Variants in ARHGAP42 observed in about 807,000 individuals in gnomAD.
ARHGAP42 encodes the protein Rho GTPase activating protein 42, also known as rho GTPase-activating protein 42.
A neutral mutation model predicts 125.0 loss-of-function variants in ARHGAP42; 63 were observed. The ratio of observed to expected loss-of-function variants is 0.50; its 90% confidence interval spans 0.41 to 0.62. ARHGAP42 has a LOEUF of 0.62. ARHGAP42 is among the 20% of genes least tolerant of loss of function. The pLI is 0.00. For synonymous variants in ARHGAP42, 339 were observed against 351.0 expected (o/e 0.97, Z 0.38); for missense variants, 766 against 1,024.2 (o/e 0.75, Z 3.44).
Position 100,745,432 on chromosome 11 carries a change from A to G in ARHGAP42, c.155-24911A>G, listed in dbSNP as rs1862279086. ...TTTTTATGAGCCTCTGCAGCAACCC[A>G]CACGTGCATGGTGTGGCACAGCACC... On this transcript the variant is annotated intron_variant, in intron 1 of 23. Transcript: ENST00000298815. Among the ~76,000 whole-genome samples the G allele has an allele frequency of 2.0e-5, 3 of 152,164 alleles. 1 individual carries two copies. Among genetic ancestry groups the G allele is most frequent in the Admixed American group, 2.0e-4 (3 of 15,286 alleles).
chr11:100,976,906 G>A lies in ARHGAP42; in HGVS notation c.2328G>A (p.Pro776=), dbSNP rs760363632. ...CTTCACCAAACCCAGACCTGCCTCC[G>A]AAAATGTGCAGGAGATTAAGACTAG... is the stretch of plus-strand genomic sequence containing the variant. The part of the protein sequence containing the change: ...PKASPNPDLP[P]KMCRRLRLDT... The change falls in exon 21 of 24, where the codon CCG becomes CCA. Residue 776 remains proline (P), a synonymous_variant. Coordinates refer to ENST00000298815, the MANE Select transcript of ARHGAP42 (RefSeq NM_152432.4). 33 of 1,551,472 alleles carry A rather than the reference G, an allele frequency of 2.1e-5. No individual in the cohort carries two copies. Among genetic ancestry groups the A allele is most frequent in the African/African-American group, 1.1e-4 (8 of 73,138 alleles).
intron 17 of ARHGAP42, among the ~76,000 whole-genome samples, chr11:100,969,673 A>G (rs999746578): frequency 6.6e-6 from 1 of 151,884 alleles, no homozygotes; most frequent in African/African-American, 2.4e-5. Flanking sequence ...CATTATTCAC[A>G]TTCTCTATTT....
intron 1 of ARHGAP42, among the ~76,000 whole-genome samples, chr11:100,730,849 A>G (rs902853768): frequency 6.6e-6 from 1 of 152,252 alleles, no homozygotes; most frequent in Non-Finnish European, 1.5e-5. Context: ...CCTGTACAGC[A>G]TATGATTGTA....
chr11:100,779,926 T>G (rs546379250), intron 2 of ARHGAP42, among the ~76,000 whole-genome samples: 1 of 151,772 alleles, frequency 6.6e-6, no homozygotes, highest in South Asian at 2.1e-4. Flanking sequence ...CTCGGGAGGC[T>G]GAGGCGGGAG....
chr11:100,730,682 T>C (rs951379954), intron 1 of ARHGAP42, among the ~76,000 whole-genome samples: 1 of 152,252 alleles, frequency 6.6e-6, no homozygotes, highest in African/African-American at 2.4e-5. Flanking sequence ...TAGTAAGTCA[T>C]ATATTGCTTA....
At chr11:100,779,372 G>A (rs1292212648) in intron 2 of ARHGAP42, among the ~76,000 whole-genome samples, 1 of 148,588 alleles carries the variant, frequency 6.7e-6, no homozygotes, top group Non-Finnish European at 1.5e-5. Context: ...TTGAACCTGG[G>A]AGGCAGACTT....
At chr11:100,953,618 C>A (rs895140427) in intron 12 of ARHGAP42, among the ~76,000 whole-genome samples, 2 of 152,184 alleles carry the variant, frequency 1.3e-5, no homozygotes, top group East Asian at 1.9e-4. Flanking sequence ...GACTAACATG[C>A]AAAAGTCTTC....
chr11:100,870,959 A>T (rs1865681648), intron 4 of ARHGAP42, among the ~76,000 whole-genome samples: 1 of 152,162 alleles, frequency 6.6e-6, no homozygotes, highest in East Asian at 1.9e-4. Flanking sequence ...AAAAAAAAAA[A>T]AAAAGGATTT....
At chr11:100,845,789 T>C (rs1865053191) in intron 3 of ARHGAP42, among the ~76,000 whole-genome samples, 1 of 152,126 alleles carries the variant, frequency 6.6e-6, no homozygotes, top group Admixed American at 6.6e-5. Flanking sequence ...TTTTGTACCT[T>C]AGTAATGTAG....
chr11:100,984,449 T>C (rs1166351704), intron 22 of ARHGAP42, among the ~76,000 whole-genome samples: 1 of 151,740 alleles, frequency 6.6e-6, no homozygotes, highest in Non-Finnish European at 1.5e-5. Flanking sequence ...TGCACTCCTA[T>C]TCCCTTCAGA....
chr11:100,961,183 A>AT (rs201196712), intron 14 of ARHGAP42, among the ~76,000 whole-genome samples, 194 bp downstream of exon 14: 15 of 151,908 alleles, frequency 9.9e-5, no homozygotes, highest in Non-Finnish European at 1.5e-4. Context: ...ATAATACTGT[A>AT]TTTTTTTTCC....
chr11:100,716,411 C>T (rs919871950), intron 1 of ARHGAP42, among the ~76,000 whole-genome samples: 1 of 152,090 alleles, frequency 6.6e-6, no homozygotes, highest in Non-Finnish European at 1.5e-5. Flanking sequence ...CAGTGGATTC[C>T]GTGTCAAACA....
rs558782353 is a variant in ARHGAP42 at position 100,884,502 on chromosome 11, G to A, written c.384+24877G>A. 3.3e-5 allele frequency among the ~76,000 whole-genome samples: 5 copies of A among 152,100 alleles called. No individual in the cohort carries two copies. In the South Asian group the frequency reaches 1.0e-3, roughly 32 times the overall value. On this transcript the variant is annotated intron_variant, in intron 4 of 23. Coordinates refer to ENST00000298815, the MANE Select transcript of ARHGAP42 (RefSeq NM_152432.4). ...TACTGTAAATCTAGTAAACTCAAAA[G>A]ACATCAAAAGGACTCATTCACTAGC...
intron 6 of ARHGAP42, among the ~76,000 whole-genome samples, chr11:100,927,600 C>T (rs958163483): frequency 1.5e-5 from 2 of 135,708 alleles, no homozygotes; most frequent in African/African-American, 5.2e-5. Flanking sequence ...AATCATGTAG[C>T]TTCTGCTGGG....
At position 100,988,836 on chromosome 11, in the gene ARHGAP42, C is replaced by T. The variant is rs1383530418; in HGVS notation, c.*35C>T. On this transcript the variant is annotated 3_prime_UTR_variant, in exon 24 of 24. Coordinates refer to ENST00000298815, the MANE Select transcript of ARHGAP42 (RefSeq NM_152432.4). ...GTGGATGGCAGTATCTTCATGGTAT[C>T]CATGGTAACGAATAAATGCTATGAT... 1 of 1,439,550 alleles carries T rather than the reference C, an allele frequency of 6.9e-7. No homozygotes were observed. The highest frequency in any genetic ancestry group is 2.5e-5 in the East Asian group (1 of 40,228). 89.2% of individuals were successfully genotyped at this position (1,439,550 alleles called of 1,614,324 possible).
intron 22 of ARHGAP42, among the ~76,000 whole-genome samples, chr11:100,979,594 A>G (rs1276929367): frequency 2.0e-5 from 3 of 152,174 alleles, no homozygotes; most frequent in East Asian, 1.9e-4. Flanking sequence ...GCTTGCTTCT[A>G]AAGTTCCTAC....
chr11:100,890,572 T>G (rs553055485), intron 4 of ARHGAP42, among the ~76,000 whole-genome samples: 1 of 152,352 alleles, frequency 6.6e-6, no homozygotes, highest in Admixed American at 6.5e-5. Context: ...GGAATCAGAC[T>G]GCTTGACTGT....
intron 1 of ARHGAP42, among the ~76,000 whole-genome samples, chr11:100,694,104 T>C (rs1371043933): frequency 6.6e-6 from 1 of 152,010 alleles, no homozygotes; most frequent in African/African-American, 2.4e-5. Context: ...GCCAATTTTT[T>C]GTATTTTTAG....
At chr11:100,805,790 G>T (rs1162564188) in intron 3 of ARHGAP42, among the ~76,000 whole-genome samples, 1 of 152,088 alleles carries the variant, frequency 6.6e-6, no homozygotes, top group Non-Finnish European at 1.5e-5. Context: ...TCATGGTGCT[G>T]GTGGGAGTGC....
Sources: allele counts gnomAD v4.1 joint callset (sites outside exome capture counted in the v4.1 genomes callset), GRCh38; gene constraint gnomAD v4.1.1; transcripts MANE v1.5; gene names NCBI Gene and HGNC (gene_info 2026-07-23, HGNC 2026-07-21).